The following FKBP1A variants were observed in gnomAD, a reference collection of about 807,000 sequenced individuals.
FKBP1A encodes FKBP prolyl isomerase 1A.
Under a neutral mutation model 14.2 loss-of-function variants are expected in FKBP1A, and 5 were observed. The ratio of observed to expected loss-of-function variants is 0.35; its 90% CI spans 0.18 to 0.74. The LOEUF (loss-of-function observed/expected upper bound fraction) is 0.74, where lower values mean the gene tolerates loss of function less well. Ranked by LOEUF, FKBP1A falls within the 30% of genes least tolerant of loss-of-function variation. The pLI is 0.56. For synonymous variants in FKBP1A, 42 were observed against 49.1 expected (o/e 0.86, Z 0.60); for missense variants, 53 against 138.8 (o/e 0.38, Z 3.10).
intron 4 of FKBP1A, 115 bp downstream of exon 4, chr20:1,371,961 A>AG: frequency 6.8e-7 from 1 of 1,468,102 alleles, no homozygotes; most frequent in Non-Finnish European, 9.0e-7. Flanking sequence ...GAAAGAATGC[A>AG]GGGGGAAAAA....
At chr20:1,391,740 A>C in intron 2 of FKBP1A, 1 of 343,960 alleles carries the variant, frequency 2.9e-6, no homozygotes. Context: ...CAGGAGGAGG[A>C]AGAGGAGGAG....
At position 1,380,666 on chromosome 20, in the gene FKBP1A, T is replaced by G. The variant is rs76257356; in HGVS notation, c.86-5063A>C. Among the ~76,000 whole-genome samples, 201 of 152,178 alleles carry G rather than the reference T, an allele frequency of 1.3e-3. 2 individuals carry two copies. In the East Asian group the frequency reaches 0.035, roughly 26 times the overall value. ...TTCTCAGTATAAAACTCAGGAAAAT[T>G]TATAGGAATAAAAATATCCAGCACC... On this transcript the variant is annotated intron_variant, in intron 2 of 4. Coordinates refer to ENST00000400137, the MANE Select transcript of FKBP1A (RefSeq NM_000801.5).
intron 2 of FKBP1A, among the ~76,000 whole-genome samples, chr20:1,385,885 A>G (rs938214863): frequency 6.6e-6 from 1 of 152,196 alleles, no homozygotes; most frequent in Non-Finnish European, 1.5e-5. Context: ...TCTTTGCTCA[A>G]ATGTCACTTT....
intron 2 of FKBP1A, among the ~76,000 whole-genome samples, chr20:1,388,755 C>CG (rs1269513709): frequency 8.2e-6 from 1 of 121,678 alleles, no homozygotes; most frequent in African/African-American, 3.0e-5. Context: ...GTTGGGGGGG[C>CG]GGGGGCGGGC....
chr20:1,388,803 T>C (rs1407518358), intron 2 of FKBP1A, among the ~76,000 whole-genome samples: 1 of 152,016 alleles, frequency 6.6e-6, no homozygotes, highest in Non-Finnish European at 1.5e-5. Context: ...TCACCTGAGT[T>C]AGAAAAAGGC....
chr20:1,375,396 CTT>C (rs1257431899), intron 3 of FKBP1A, 93 bp downstream of exon 3: 2 of 883,448 alleles, frequency 2.3e-6, no homozygotes, highest in African/African-American at 3.4e-5. Flanking sequence ...AGACTTTTCA[CTT>C]TTTTTATTTT....
chr20:1,372,323 G>C (rs1271119780), intron 3 of FKBP1A, 83 bp from the exon 4 acceptor site: 2 of 1,471,062 alleles, frequency 1.4e-6, no homozygotes, highest in Non-Finnish European at 1.9e-6. Flanking sequence ...TTACCTAGGT[G>C]TTCCTTGGCC....
At chr20:1,370,442 C>T in intron 4 of FKBP1A, 4 of 971,562 alleles carry the variant, frequency 4.1e-6, no homozygotes, top group Non-Finnish European at 3.7e-6. Context: ...TGCCTGGGTT[C>T]CACTCCCATG....
intron 2 of FKBP1A, among the ~76,000 whole-genome samples, chr20:1,388,390 A>C (rs1469846176): frequency 2.0e-5 from 3 of 152,244 alleles, no homozygotes; most frequent in African/African-American, 7.2e-5. Context: ...AACTGCGATG[A>C]GTGAGGCTCA....
At chr20:1,384,316 G>T (rs1046349983) in intron 2 of FKBP1A, among the ~76,000 whole-genome samples, 1 of 152,172 alleles carries the variant, frequency 6.6e-6, no homozygotes, top group South Asian at 2.1e-4. Context: ...ATAAAGGCAA[G>T]TCACTAAAAA....
intron 2 of FKBP1A, 96 bp from the exon 3 acceptor site, chr20:1,375,699 AAG>A (rs2089531714): frequency 5.6e-6 from 5 of 887,560 alleles, no homozygotes; most frequent in South Asian, 1.4e-5. Flanking sequence ...GCCAGTGCTG[AAG>A]AGTCTGGCAG....
intron 2 of FKBP1A, among the ~76,000 whole-genome samples, chr20:1,387,728 C>CTA (rs1043378122): frequency 1.3e-5 from 2 of 151,970 alleles, no homozygotes; most frequent in African/African-American, 4.8e-5. Context: ...GTATGCCCAA[C>CTA]TATTCAGAAG....
intron 3 of FKBP1A, chr20:1,373,117 G>C (rs749835534): frequency 6.6e-6 from 1 of 152,222 alleles, no homozygotes; most frequent in Admixed American, 6.5e-5. Context: ...GCTGTGAAGC[G>C]TCTAGTCCTT....
At chr20:1,370,500 T>C in intron 4 of FKBP1A, 2 of 982,108 alleles carry the variant, frequency 2.0e-6, no homozygotes, top group Non-Finnish European at 1.2e-6. Context: ...AGGAAAGTCT[T>C]AAAAATTTCC....
chr20:1,381,385 C>T (rs538205167), intron 2 of FKBP1A, among the ~76,000 whole-genome samples: 23 of 152,296 alleles, frequency 1.5e-4, no homozygotes, highest in Admixed American at 2.6e-4. Context: ...CACTAGGAAA[C>T]GCATCTACCA....
In FKBP1A at chr20:1,386,588, G is replaced by A. The variant is rs1473368425; in HGVS notation, c.85+6246C>T. Among the ~76,000 whole-genome samples, 1 of 152,218 alleles carries A rather than the reference G, an allele frequency of 6.6e-6. No homozygotes were observed. The highest frequency in any genetic ancestry group is 1.5e-5 in the Non-Finnish European group (1 of 68,048). The stretch of plus-strand genomic sequence containing the variant: ...TGCAGAATTAGAAGCATGCATGTAT[G>A]CATCCAAAGTGTTACTTAAGCTGTG... On this transcript the variant is annotated intron_variant, in intron 2 of 4. Coordinates refer to ENST00000400137, the MANE Select transcript of FKBP1A (RefSeq NM_000801.5). This position sits in a 1 kb window ranked among gnomAD's most constrained non-coding sequence, Gnocchi z 4.7.
chr20:1,373,880 T>A (rs73581256), intron 3 of FKBP1A, among the ~76,000 whole-genome samples: 1,886 of 152,266 alleles, frequency 0.012, 44 homozygotes, highest in African/African-American at 0.043. Context: ...GTTGGCAAGG[T>A]TTCCCAAGGG....
Position 1,370,065 on chromosome 20 carries a change from T to TGGCAGATCTGTTGGGGACAGAAAATCAC in FKBP1A, c.*43_*44insGTGATTTTCTGTCCCCAACAGATCTGCC. The TGGCAGATCTGTTGGGGACAGAAAATCAC allele has an allele frequency of 1.3e-6, 2 of 1,549,086 alleles. No individual in the cohort carries two copies. The highest frequency in any genetic ancestry group is 1.7e-6 in the Non-Finnish European group (2 of 1,146,778). On this transcript the variant is annotated 3_prime_UTR_variant, in exon 5 of 5. Coordinates refer to ENST00000400137, the MANE Select transcript of FKBP1A (RefSeq NM_000801.5). ...TGTCTGGAGGCACCAGATCCCTCCA[T>TGGCAGATCTGTTGGGGACAGAAAATCAC]GGCAGATCTGTTGGGGACAGAAAAT...
At chr20:1,372,338 T>C in intron 3 of FKBP1A, 98 bp from the exon 4 acceptor site, 2 of 1,320,998 alleles carry the variant, frequency 1.5e-6, no homozygotes, top group Non-Finnish European at 2.1e-6. Flanking sequence ...TTGGCCAGGA[T>C]GGTATTGACT....
Sources: allele counts gnomAD v4.1 joint callset (sites outside exome capture counted in the v4.1 genomes callset), GRCh38; gene constraint gnomAD v4.1.1; non-coding constraint Gnocchi (gnomAD v3.1); transcripts MANE v1.5; gene names NCBI Gene and HGNC (gene_info 2026-07-23, HGNC 2026-07-21).